SAMD4A: variants seen among roughly 807,000 people sequenced by gnomAD.
SAMD4A encodes sterile alpha motif domain containing 4A.
In SAMD4A, 33 loss-of-function variants were observed where a neutral mutation model predicts 81.3. That is an observed-to-expected ratio of 0.41 (90% CI 0.31 to 0.54). The LOEUF (loss-of-function observed/expected upper bound fraction) is 0.54, where lower values mean the gene tolerates loss of function less well. SAMD4A is among the 20% of genes least tolerant of loss of function. The probability of loss-of-function intolerance (pLI) is 0.37; values close to 1 mark genes in which losing one functional copy is unlikely to be tolerated. For synonymous variants in SAMD4A, 389 were observed against 382.1 expected, an observed-to-expected ratio of 1.02 and a Z score of -0.21; for missense variants, 854 against 951.1, an observed-to-expected ratio of 0.90 and a Z score of 1.34.
At chr14:54,673,500 G>A (rs774645642) in intron 2 of SAMD4A, among the ~76,000 whole-genome samples, 7 of 152,216 alleles carry the variant, frequency 4.6e-5, no homozygotes, top group Non-Finnish European at 7.3e-5. Context: ...TCAGCATAGC[G>A]GGCTGCCTGC....
intron 4 of SAMD4A, among the ~76,000 whole-genome samples, chr14:54,743,532 G>A (rs2037894506): frequency 6.6e-6 from 1 of 152,264 alleles, no homozygotes; most frequent in Admixed American, 6.5e-5. Context: ...ACAAGGCGCA[G>A]CCTTTGATGT....
At chr14:54,728,418 TG>T (rs537293151) in intron 3 of SAMD4A, among the ~76,000 whole-genome samples, 150 of 152,278 alleles carry the variant, frequency 9.9e-4, no homozygotes, top group African/African-American at 3.4e-3. Context: ...CTCCAGAGCT[TG>T]TCTGAATCAC....
At chr14:54,598,018 G>A (rs367620335) in intron 2 of SAMD4A, among the ~76,000 whole-genome samples, 24 of 152,196 alleles carry the variant, frequency 1.6e-4, no homozygotes, top group African/African-American at 5.3e-4. Context: ...GAAAGAGAGT[G>A]AGTTCTGTCT....
intron 2 of SAMD4A, among the ~76,000 whole-genome samples, chr14:54,611,222 C>G (rs554287522): frequency 6.6e-6 from 1 of 152,292 alleles, no homozygotes; most frequent in South Asian, 2.1e-4. Flanking sequence ...ATAGCTCTCT[C>G]CCCTTTTAAT....
At chr14:54,685,569 G>A (rs1005045700) in intron 2 of SAMD4A, 9 of 412,376 alleles carry the variant, frequency 2.2e-5, no homozygotes, top group South Asian at 7.0e-5. Context: ...ACATTGGTAC[G>A]CTAGTACTTG....
chr14:54,784,448 G>A, intron 11 of SAMD4A, 89 bp from the exon 12 acceptor site: 1 of 1,613,674 alleles, frequency 6.2e-7, no homozygotes, highest in Non-Finnish European at 8.5e-7. Flanking sequence ...TCCCAGGGAG[G>A]TACACCAGAC....
intron 2 of SAMD4A, among the ~76,000 whole-genome samples, chr14:54,639,511 G>A (rs1032820514): frequency 3.9e-5 from 6 of 152,174 alleles, no homozygotes; most frequent in African/African-American, 7.2e-5. Flanking sequence ...ACAAGTGGGG[G>A]CCACTCCTCA....
intron 9 of SAMD4A, among the ~76,000 whole-genome samples, chr14:54,774,188 G>GC (rs1441935132): frequency 6.6e-6 from 1 of 152,228 alleles, no homozygotes; most frequent in African/African-American, 2.4e-5. Flanking sequence ...TGCCAGCGCT[G>GC]CCCCCTGCTG....
intron 2 of SAMD4A, among the ~76,000 whole-genome samples, chr14:54,587,957 A>T (rs1393719520): frequency 6.6e-6 from 1 of 152,038 alleles, no homozygotes; most frequent in East Asian, 1.9e-4. Context: ...TGTCAATAGG[A>T]TTGGTACCAA....
At chr14:54,691,518 A>G (rs575035398) in intron 2 of SAMD4A, among the ~76,000 whole-genome samples, 1 of 148,674 alleles carries the variant, frequency 6.7e-6, no homozygotes, top group African/African-American at 2.5e-5. Context: ...CTGCCCAAGG[A>G]CTTCAGCAAT....
chr14:54,597,150 T>C (rs145209688), intron 2 of SAMD4A, among the ~76,000 whole-genome samples: 1 of 152,002 alleles, frequency 6.6e-6, no homozygotes, highest in East Asian at 1.9e-4. Context: ...GCACCAAATA[T>C]GCATTCCTAT....
intron 12 of SAMD4A, among the ~76,000 whole-genome samples, chr14:54,787,047 C>T (rs181721556): frequency 6.6e-6 from 1 of 152,350 alleles, no homozygotes; most frequent in African/African-American, 2.4e-5. Flanking sequence ...TGGCCAACCC[C>T]TTCCAGGTGC....
intron 2 of SAMD4A, among the ~76,000 whole-genome samples, chr14:54,613,204 A>G (rs1182615268): frequency 2.0e-5 from 3 of 151,850 alleles, no homozygotes; most frequent in Non-Finnish European, 4.4e-5. Flanking sequence ...AAAGGGAAGG[A>G]AAGGAAAGAA....
intron 2 of SAMD4A, among the ~76,000 whole-genome samples, chr14:54,588,706 T>C (rs1348671245): frequency 6.6e-6 from 1 of 152,192 alleles, no homozygotes; most frequent in East Asian, 1.9e-4. Flanking sequence ...TTTTCATATA[T>C]TTATGGTCTA....
chr14:54,792,836 T>A lies in SAMD4A; in HGVS notation c.*3892T>A, dbSNP rs2039281852. 6.6e-6 allele frequency: 1 copy of A among 152,184 alleles called. No homozygotes were observed. The highest frequency in any genetic ancestry group is 2.4e-5 in the African/African-American group (1 of 41,448). The allele number at this position is 152,184 out of a possible 1,614,324, so 9.4% of individuals were successfully genotyped here. ...AATAGGAAGAAAACAGGAATGTTAA[T>A]AATGTCGAACAGAAAACTTCCTCCC... On this transcript the variant is annotated 3_prime_UTR_variant, in exon 13 of 13. Transcript: ENST00000554335.
In SAMD4A at chr14:54,791,304, G is replaced by A. The variant is rs2039255043; in HGVS notation, c.*2360G>A. 6.6e-6 allele frequency: 1 copy of A among 152,180 alleles called. No homozygotes were observed. Among genetic ancestry groups the A allele is most frequent in the African/African-American group, 2.4e-5 (1 of 41,444 alleles). The allele number at this position is 152,180 out of a possible 1,614,324, so 9.4% of individuals were successfully genotyped here. ...TGGTATTACACATCTTGCTGAGAAA[G>A]GAAAGCATTCGGATCTGCTGCAAAA... On this transcript the variant is annotated 3_prime_UTR_variant, in exon 13 of 13. Coordinates refer to ENST00000554335, the MANE Select transcript of SAMD4A (RefSeq NM_015589.6).
chr14:54,742,486 G>A (rs1247892518), intron 4 of SAMD4A, among the ~76,000 whole-genome samples: 3 of 152,156 alleles, frequency 2.0e-5, no homozygotes, highest in Non-Finnish European at 4.4e-5. Context: ...CTCCTCGCCT[G>A]CAGTTTCAGC....
In SAMD4A at chr14:54,568,012, C is replaced by T. The variant is rs1397943273; in HGVS notation, c.96C>T (p.Arg32=). 6.2e-7 allele frequency: 1 copy of T among 1,607,886 alleles called. No homozygotes were observed. The change falls in exon 2 of 13, where the codon CGC becomes CGT. Residue 32 remains arginine (R), a synonymous_variant. Transcript: ENST00000554335. ...TTGCGCTGCTGTCGCTGCTCAAGCG[C>T]GTGAGCCAGACCCAGGCCCGCTTCC... The part of the protein sequence containing the change: ...QTVALLSLLK[R]VSQTQARFLQ...
At chr14:54,645,666 A>G (rs185227627) in intron 2 of SAMD4A, among the ~76,000 whole-genome samples, 2 of 152,358 alleles carry the variant, frequency 1.3e-5, no homozygotes, top group South Asian at 2.1e-4. Flanking sequence ...GGAAGCATCA[A>G]AGTATTAAAA....
Sources: allele counts gnomAD v4.1 joint callset (sites outside exome capture counted in the v4.1 genomes callset), GRCh38; gene constraint gnomAD v4.1.1; transcripts MANE v1.5; gene names NCBI Gene and HGNC (gene_info 2026-07-23, HGNC 2026-07-21).